The following ARHGAP24 variants were observed in gnomAD, a reference collection of about 807,000 sequenced individuals.
The protein encoded by ARHGAP24 is rho GTPase-activating protein 24.
ARHGAP24 carries 50 observed loss-of-function variants against 76.4 expected under a neutral mutation model. The ratio of observed to expected loss-of-function variants is 0.65; its 90% CI spans 0.52 to 0.83. ARHGAP24 has a LOEUF of 0.83. ARHGAP24 is among the 40% of genes least tolerant of loss of function. The pLI, the probability that ARHGAP24 is intolerant of heterozygous loss-of-function variation, is 0.00. For synonymous variants in ARHGAP24, 345 were observed against 323.3 expected, an observed-to-expected ratio of 1.07 and a Z score of -0.72; for missense variants, 930 against 914.2, an observed-to-expected ratio of 1.02 and a Z score of -0.22.
chr4:85,712,633 CTG>C (rs1491049778), intron 2 of ARHGAP24, among the ~76,000 whole-genome samples: 1 of 152,106 alleles, frequency 6.6e-6, no homozygotes, highest in East Asian at 1.9e-4. Flanking sequence ...TGGCTTGTGG[CTG>C]TGTCACACCC....
chr4:85,552,998 A>G (rs1452114416), intron 1 of ARHGAP24, among the ~76,000 whole-genome samples: 2 of 152,072 alleles, frequency 1.3e-5, no homozygotes, highest in Non-Finnish European at 2.9e-5. Context: ...ACAGTTCATA[A>G]AGGTGGTGTG....
At chr4:85,997,138 A>G (rs1232278659) in intron 9 of ARHGAP24, among the ~76,000 whole-genome samples, 1 of 152,176 alleles carries the variant, frequency 6.6e-6, no homozygotes, top group East Asian at 1.9e-4. Flanking sequence ...CTCGTGGCCT[A>G]GCCATGAAAT....
chr4:85,583,711 T>A (rs1727708911), intron 2 of ARHGAP24, among the ~76,000 whole-genome samples: 1 of 145,480 alleles, frequency 6.9e-6, no homozygotes, highest in African/African-American at 2.5e-5. Flanking sequence ...AGGGCTAATA[T>A]CCAGAATCTA....
rs6850162 is a variant in ARHGAP24, at chr4:85,902,310, G to T, written c.269-21338G>T. ...AAAATCTCTATAAAGATCAGATAGGGCGCAGACTAACAACTAGAGCCTACA... is the reference window on the plus strand; with the variant it reads ...AAAATCTCTATAAAGATCAGATAGGTCGCAGACTAACAACTAGAGCCTACA... On this transcript the variant is annotated intron_variant, in intron 3 of 9. Transcript: ENST00000395184. Among the ~76,000 whole-genome samples the T allele has an allele frequency of 2.4e-3, 367 of 152,256 alleles. 1 individual carries two copies. Among genetic ancestry groups the T allele is most frequent in the African/African-American group, 8.5e-3 (354 of 41,572 alleles).
chr4:85,792,372 G>A (rs1728170011), intron 3 of ARHGAP24, among the ~76,000 whole-genome samples: 1 of 152,066 alleles, frequency 6.6e-6, no homozygotes, highest in South Asian at 2.1e-4. Context: ...CAATATAAAA[G>A]CCAAGCCACA....
At chr4:85,683,125 G>GGGGGGGGGGGGGT (rs1553922590) in intron 2 of ARHGAP24, among the ~76,000 whole-genome samples, 3 of 107,656 alleles carry the variant, frequency 2.8e-5, no homozygotes, top group Admixed American at 1.0e-4. Context: ...GGTGGGGGGG[G>GGGGGGGGGGGGGT]GGTGCGGGGG....
intron 5 of ARHGAP24, among the ~76,000 whole-genome samples, chr4:85,963,031 T>C (rs959977501): frequency 6.6e-6 from 1 of 152,078 alleles, no homozygotes; most frequent in African/African-American, 2.4e-5. Context: ...TTTATGTGTG[T>C]GTAATATGTG....
intron 2 of ARHGAP24, among the ~76,000 whole-genome samples, chr4:85,625,289 T>G (rs974402273): frequency 1.3e-5 from 2 of 152,236 alleles, no homozygotes; most frequent in Non-Finnish European, 2.9e-5. Context: ...TCTCGTTGGT[T>G]TCAAAGAACA....
At chr4:85,895,548 G>T (rs1734129138) in intron 3 of ARHGAP24, among the ~76,000 whole-genome samples, 1 of 152,046 alleles carries the variant, frequency 6.6e-6, no homozygotes, top group South Asian at 2.1e-4. Flanking sequence ...ATATCTTTTG[G>T]GGGGAAAATT....
Position 85,570,631 on chromosome 4 carries a change from A to G in ARHGAP24, c.90A>G (p.Gly30=), listed in dbSNP as rs1184879346. 2 of 1,614,112 alleles carry G rather than the reference A, an allele frequency of 1.2e-6. No homozygotes were observed. Among genetic ancestry groups the G allele is most frequent in the South Asian group, 2.2e-5 (2 of 91,082 alleles). The change falls in exon 2 of 10, where the codon GGA becomes GGG. Residue 30 remains glycine, a synonymous_variant. Coordinates refer to ENST00000395184, the MANE Select transcript of ARHGAP24 (RefSeq NM_001025616.3). The stretch of plus-strand genomic sequence containing the variant: ...AGTGTGGGTGGCTGAGGAAGCAAGG[A>G]GGCTTTGTCAAGACTTGGCATACTC... ...AIKCGWLRKQ[G]GFVKTWHTRW...
intron 2 of ARHGAP24, among the ~76,000 whole-genome samples, chr4:85,653,143 A>C (rs12650652): frequency 0.39 from 59,477 of 152,054 alleles, 13,143 homozygotes; most frequent in East Asian, 0.84. Flanking sequence ...ATACAATTTT[A>C]AACCATAAAT....
At chr4:85,847,673 A>G (rs1347363961) in intron 3 of ARHGAP24, among the ~76,000 whole-genome samples, 2 of 152,152 alleles carry the variant, frequency 1.3e-5, no homozygotes, top group African/African-American at 4.8e-5. Flanking sequence ...TATTTGAGGA[A>G]CTGCAAGGTG....
At chr4:85,668,521 T>C (rs764942615) in intron 2 of ARHGAP24, among the ~76,000 whole-genome samples, 1 of 152,180 alleles carries the variant, frequency 6.6e-6, no homozygotes, top group Non-Finnish European at 1.5e-5. Context: ...CAGGTTACTA[T>C]AGTAGCACAG....
At position 85,761,820 on chromosome 4, in the gene ARHGAP24, TA is replaced by T. The variant is rs576125091; in HGVS notation, c.268+39850del. ...TTACCTCAGGTTACTACAAACGCTT[TA>T]ACCTTCTGGATGCTGGCTGTTCTTT... is the stretch of plus-strand genomic sequence containing the variant. On this transcript the variant is annotated intron_variant, in intron 3 of 9. Coordinates refer to ENST00000395184, the MANE Select transcript of ARHGAP24 (RefSeq NM_001025616.3). Among the ~76,000 whole-genome samples, 211 of 152,318 alleles carry T rather than the reference TA, an allele frequency of 1.4e-3. 9 individuals are homozygous for T. The South Asian group carries it at 0.041, about 30-fold the overall frequency.
chr4:85,969,728 G>A (rs553551747), intron 5 of ARHGAP24, among the ~76,000 whole-genome samples: 3 of 152,162 alleles, frequency 2.0e-5, no homozygotes, highest in Admixed American at 6.5e-5. Context: ...CATGAAATAC[G>A]GTGGTTTGTC....
Position 85,622,532 on chromosome 4 carries a change from T to G in ARHGAP24, c.180+51811T>G, listed in dbSNP as rs568222727. Among the ~76,000 whole-genome samples, 505 of 152,210 alleles carry G rather than the reference T, an allele frequency of 3.3e-3. 3 individuals carry two copies. The highest frequency in any genetic ancestry group is 0.012 in the African/African-American group (488 of 41,514). On this transcript the variant is annotated intron_variant, in intron 2 of 9. Coordinates refer to ENST00000395184, the MANE Select transcript of ARHGAP24 (RefSeq NM_001025616.3). Reference sequence around the variant, plus strand: ...TTAGGTTGGTTCCAAGTCTTTGCTATTGTGAATAGTGCTGCTATAAACATA... The same window carrying G: ...TTAGGTTGGTTCCAAGTCTTTGCTAGTGTGAATAGTGCTGCTATAAACATA...
At chr4:85,505,364 A>G (rs1484762490) in intron 1 of ARHGAP24, among the ~76,000 whole-genome samples, 2 of 152,116 alleles carry the variant, frequency 1.3e-5, no homozygotes, top group Non-Finnish European at 2.9e-5. Context: ...ACACCAATCA[A>G]ACGTTGATTT....
chr4:85,577,492 G>T (rs1727428224), intron 2 of ARHGAP24, among the ~76,000 whole-genome samples: 1 of 152,106 alleles, frequency 6.6e-6, no homozygotes, highest in Non-Finnish European at 1.5e-5. Flanking sequence ...CATTTTGTTA[G>T]TTAGATAGTA....
chr4:85,738,821 C>T (rs1725703162), intron 3 of ARHGAP24, among the ~76,000 whole-genome samples: 1 of 152,132 alleles, frequency 6.6e-6, no homozygotes, highest in African/African-American at 2.4e-5. Context: ...TTTTTGTTCT[C>T]ATTGGATTGT....
Sources: gnomAD v4.1 joint callset for allele counts (sites outside exome capture counted in the v4.1 genomes callset) on GRCh38, gnomAD v4.1.1 for gene constraint, MANE v1.5 for transcripts, NCBI Gene and HGNC (gene_info 2026-07-23, HGNC 2026-07-21) for gene names.